Variants in CNTRL observed in about 807,000 individuals in gnomAD.
The protein encoded by CNTRL is centriolin.
In CNTRL, 233 loss-of-function variants were observed where a neutral mutation model predicts 303.7. The ratio of observed to expected loss-of-function variants is 0.77; its 90% CI spans 0.69 to 0.86. CNTRL has a LOEUF of 0.86. CNTRL is among the 40% of genes least tolerant of loss of function. CNTRL has a pLI of 0.00. For synonymous variants in CNTRL, 900 were observed against 922.2 expected (o/e 0.98, Z 0.44); for missense variants, 2,524 against 2,650.6 (o/e 0.95, Z 1.05).
chr9:121,075,245 G>C (rs961390079), intron 1 of CNTRL, among the ~76,000 whole-genome samples, 178 bp downstream of exon 1: 8 of 152,260 alleles, frequency 5.3e-5, no homozygotes, highest in African/African-American at 1.9e-4. Flanking sequence ...GGCCCGGAAC[G>C]GGCGTGGGGC....
intron 14 of CNTRL, among the ~76,000 whole-genome samples, chr9:121,134,149 T>C (rs1409177541): frequency 6.6e-6 from 1 of 152,214 alleles, no homozygotes; most frequent in Non-Finnish European, 1.5e-5. Flanking sequence ...CTTTTTTCCT[T>C]TGCTCATTAG....
intron 14 of CNTRL, among the ~76,000 whole-genome samples, chr9:121,128,856 A>G (rs2050690620): frequency 6.7e-6 from 1 of 148,518 alleles, no homozygotes; most frequent in Non-Finnish European, 1.5e-5. Flanking sequence ...AGCTTTCTAC[A>G]TATGGCTAGC....
At chr9:121,089,463 G>C (rs1023767149) in intron 3 of CNTRL, among the ~76,000 whole-genome samples, 5 of 152,220 alleles carry the variant, frequency 3.3e-5, no homozygotes, top group African/African-American at 1.2e-4. Context: ...ATGTAATGTG[G>C]CATTAACAGT....
At chr9:121,097,745 T>C (rs373722795) in intron 6 of CNTRL, among the ~76,000 whole-genome samples, 5 of 152,310 alleles carry the variant, frequency 3.3e-5, no homozygotes, top group African/African-American at 1.2e-4. Context: ...GTGTCAGCTG[T>C]GCAATAGGAA....
chr9:121,099,256 C>T (rs907248390), intron 7 of CNTRL, among the ~76,000 whole-genome samples: 1 of 152,160 alleles, frequency 6.6e-6, no homozygotes, highest in African/African-American at 2.4e-5. Context: ...ATATGCCGTT[C>T]TGCAGCCTCC....
intron 38 of CNTRL, 30 bp from the exon 39 acceptor site, chr9:121,169,563 AGCTGGCTCGGGGTCTTTG>A: frequency 6.3e-7 from 1 of 1,588,468 alleles, no homozygotes; most frequent in Non-Finnish European, 8.6e-7. Context: ...CTCTGCCCAC[AGCTGGCTCGGGGTCTTTG>A]GCTAAACCTA....
chr9:121,174,983 CTG>C, intron 42 of CNTRL, 33 bp from the exon 43 acceptor site: 1 of 1,584,976 alleles, frequency 6.3e-7, no homozygotes, highest in Non-Finnish European at 8.7e-7. Context: ...TACATTTCTT[CTG>C]TGTAAAACCC....
At chr9:121,130,804 T>C (rs1019398575) in intron 14 of CNTRL, among the ~76,000 whole-genome samples, 7 of 152,228 alleles carry the variant, frequency 4.6e-5, no homozygotes, top group African/African-American at 1.7e-4. Flanking sequence ...CTGCTTTAAA[T>C]GTGTCCTAGA....
intron 13 of CNTRL, among the ~76,000 whole-genome samples, chr9:121,124,463 A>G (rs1476799427): frequency 3.3e-5 from 5 of 152,172 alleles, no homozygotes; most frequent in East Asian, 1.9e-4. Flanking sequence ...TAGTTTTGCA[A>G]TGCTGATTTA....
At position 121,146,246 on chromosome 9, in the gene CNTRL, C is replaced by T; in HGVS notation, c.3449C>T (p.Pro1150Leu). ...TATTGGTACTTTATGCCACCACCACCATCATCAAAAGTAGGAATTCTGTGG... is the reference window on the plus strand; with the variant it reads ...TATTGGTACTTTATGCCACCACCACTATCATCAAAAGTAGGAATTCTGTGG... Reference protein sequence around the residue: ...RGYWYFMPPPPSSKVSSHSSQ... With the variant: ...RGYWYFMPPPLSSKVSSHSSQ... The change falls in exon 23 of 44, where the codon CCA becomes CTA. Residue 1150 changes from proline to leucine, a missense_variant. Physicochemically the swap from Pro to Leu is moderately conservative, Grantham distance 98. Coordinates refer to ENST00000373855, the MANE Select transcript of CNTRL (RefSeq NM_007018.6). 6.2e-7 allele frequency: 1 copy of T among 1,608,946 alleles called. No individual in the cohort carries two copies. The highest frequency in any genetic ancestry group is 8.5e-7 in the Non-Finnish European group (1 of 1,178,714).
In CNTRL at chr9:121,138,564, A is replaced by G; in HGVS notation, c.2222A>G (p.Gln741Arg). The change falls in exon 16 of 44, where the codon CAA becomes CGA. Residue 741 changes from glutamine to arginine, a missense_variant. Coordinates refer to ENST00000373855, the MANE Select transcript of CNTRL (RefSeq NM_007018.6). ...TGACAGTTAGAACAATCAGCCCTTC[A>G]AGCAGAACTTGAGAAGGAAAGGCAA... ...RLTQLEQSAL[Q>R]AELEKERQAL... The G allele has an allele frequency of 6.2e-7, 1 of 1,613,928 alleles. No individual in the cohort carries two copies. Among genetic ancestry groups the G allele is most frequent in the South Asian group, 1.1e-5 (1 of 91,076 alleles).
chr9:121,163,998 G>A (rs1326462732), intron 34 of CNTRL, among the ~76,000 whole-genome samples: 1 of 151,734 alleles, frequency 6.6e-6, no homozygotes, highest in Non-Finnish European at 1.5e-5. Context: ...TTGAGTAGCT[G>A]GGACTACAGG....
chr9:121,077,251 C>A (rs969962073), intron 1 of CNTRL, among the ~76,000 whole-genome samples: 2 of 151,680 alleles, frequency 1.3e-5, no homozygotes, highest in Non-Finnish European at 2.9e-5. Context: ...TTCTCTTTAT[C>A]CTGCTCCTTT....
intron 25 of CNTRL, 170 bp from the exon 26 acceptor site, chr9:121,152,315 G>A (rs943514615): frequency 5.1e-5 from 31 of 603,180 alleles, no homozygotes; most frequent in Admixed American, 2.7e-4. Flanking sequence ...CTATTTGTCT[G>A]TCAGTTTCAT....
intron 23 of CNTRL, among the ~76,000 whole-genome samples, chr9:121,148,138 C>G (rs72760236): frequency 0.083 from 12,585 of 152,202 alleles, 563 homozygotes; most frequent in Non-Finnish European, 0.11. Context: ...ACCCGGGAGT[C>G]TCATCACTAT....
intron 5 of CNTRL, 48 bp from the exon 6 acceptor site, chr9:121,096,374 A>T: frequency 8.5e-7 from 1 of 1,180,550 alleles, no homozygotes. Flanking sequence ...CAATGGAGAG[A>T]CTCTATAATT....
intron 4 of CNTRL, 69 bp from the exon 5 acceptor site, chr9:121,094,819 T>G (rs1373311396): frequency 1.7e-6 from 2 of 1,171,292 alleles, no homozygotes; most frequent in African/African-American, 3.2e-5. Context: ...CTGATGCACA[T>G]AAGTAAATGT....
Position 121,164,823 on chromosome 9 carries a change from T to C in CNTRL, c.5424-120T>C, listed in dbSNP as rs2053019341. Reference sequence around the variant, plus strand: ...AAAATGAGTTGAGTCTTAAATTTTGTGAAGATTTATAATCATTTATACTTT... The same window carrying C: ...AAAATGAGTTGAGTCTTAAATTTTGCGAAGATTTATAATCATTTATACTTT... On this transcript the variant is annotated intron_variant, in intron 34 of 43. Coordinates refer to ENST00000373855, the MANE Select transcript of CNTRL (RefSeq NM_007018.6). 3 of 671,352 alleles carry C rather than the reference T, an allele frequency of 4.5e-6. No homozygotes were observed. In the African/African-American group the frequency reaches 5.6e-5, roughly 13 times the overall value. 41.6% of individuals were successfully genotyped at this position (671,352 alleles called of 1,614,324 possible). A position where few individuals can be genotyped will look rare whatever the true frequency, so the allele number is the denominator to read the frequency against.
chr9:121,077,886 C>A (rs1023158646), intron 1 of CNTRL, among the ~76,000 whole-genome samples: 1 of 152,130 alleles, frequency 6.6e-6, no homozygotes, highest in African/African-American at 2.4e-5. Context: ...GGCAAGGTTG[C>A]TGTGAGCCAT....
Sources: gnomAD v4.1 joint callset for allele counts (sites outside exome capture counted in the v4.1 genomes callset) on GRCh38, gnomAD v4.1.1 for gene constraint, MANE v1.5 for transcripts, NCBI Gene and HGNC (gene_info 2026-07-23, HGNC 2026-07-21) for gene names.